CIITA: variants seen among roughly 807,000 people sequenced by gnomAD.
The protein encoded by CIITA is MHC class II transactivator.
CIITA carries 72 observed loss-of-function variants against 115.1 expected under a neutral mutation model. That is an observed-to-expected ratio of 0.63 (90% confidence interval 0.52 to 0.76). The LOEUF is 0.76. CIITA is among the 30% of genes least tolerant of loss of function. The pLI, the probability that CIITA is intolerant of heterozygous loss-of-function variation, is 0.00. For synonymous variants in CIITA, 763 were observed against 635.6 expected, an observed-to-expected ratio of 1.20 and a Z score of -3.02; for missense variants, 1,617 against 1,463.8, an observed-to-expected ratio of 1.10 and a Z score of -1.71.
In CIITA at chr16:10,932,162, G is replaced by A. The variant is rs1305607217; in HGVS notation, c.*8307G>A. On this transcript the variant is annotated 3_prime_UTR_variant, in exon 20 of 20. Transcript: ENST00000324288. Reference sequence around the variant, plus strand: ...GTTTCTATGTGTAGGGCGGGAGGATGTTCTGGGACACAGTTCAATTCTCAT... The same window carrying A: ...GTTTCTATGTGTAGGGCGGGAGGATATTCTGGGACACAGTTCAATTCTCAT... 2 of 152,242 alleles carry A rather than the reference G, an allele frequency of 1.3e-5. No individual in the cohort carries two copies. Among genetic ancestry groups the A allele is most frequent in the East Asian group, 1.9e-4 (1 of 5,200 alleles). The allele number at this position is 152,242 out of a possible 1,614,324, so 9.4% of individuals were successfully genotyped here.
chr16:10,915,506 C>G (rs1294803528), intron 13 of CIITA, 64 bp from the exon 14 acceptor site: 11 of 1,318,494 alleles, frequency 8.3e-6, no homozygotes, highest in East Asian at 2.3e-5. Flanking sequence ...TCTGCCCCAC[C>G]CTGGGGCTGA....
chr16:10,937,875 GGC>G (rs1442815201), downstream of CIITA: 2 of 152,138 alleles, frequency 1.3e-5, no homozygotes, highest in Non-Finnish European at 2.9e-5. This position sits in a 1 kb window ranked among gnomAD's most constrained non-coding sequence, Gnocchi z 4.2. Flanking sequence ...GGGACCACAG[GGC>G]AGCAAGAAAG....
intron 3 of CIITA, among the ~76,000 whole-genome samples, chr16:10,897,332 A>ACCACTAGT (rs2078044829): frequency 1.3e-5 from 2 of 151,952 alleles, no homozygotes; most frequent in African/African-American, 4.8e-5. Flanking sequence ...TTCTCATAAA[A>ACCACTAGT]CCACTAGTCT....
intron 1 of CIITA, among the ~76,000 whole-genome samples, chr16:10,884,144 CCTT>C (rs922417803): frequency 3.7e-5 from 5 of 135,990 alleles, no homozygotes; most frequent in African/African-American, 1.1e-4. Context: ...CTGAGCTTGT[CCTT>C]CTTTCTTTAA....
intron 3 of CIITA, among the ~76,000 whole-genome samples, chr16:10,896,753 C>T (rs1019175230): frequency 1.3e-5 from 2 of 152,242 alleles, no homozygotes; most frequent in African/African-American, 4.8e-5. Context: ...TGGTCTTCTT[C>T]CTGCCAACCC....
At position 10,903,835 on chromosome 16, in the gene CIITA, T is replaced by A; in HGVS notation, c.877T>A (p.Ser293Thr). Residue 293 changes from serine to threonine, a missense_variant, in exon 9 of 20, where the codon TCA becomes ACA. Coordinates refer to ENST00000324288, the MANE Select transcript of CIITA (RefSeq NM_000246.4). ...RPGSTSPFAP[S>T]ATDLPSMPEP... ...AGGCTCCACCAGCCCCTTCGCTCCA[T>A]CAGCCACTGACCTGCCCAGCATGCC... 6.2e-7 allele frequency: 1 copy of A among 1,614,162 alleles called. No individual in the cohort carries two copies. The highest frequency in any genetic ancestry group is 1.3e-5 in the African/African-American group (1 of 75,028).
intron 16 of CIITA, among the ~76,000 whole-genome samples, chr16:10,918,880 G>A (rs979710455): frequency 3.9e-5 from 6 of 152,172 alleles, no homozygotes; most frequent in African/African-American, 1.4e-4. Context: ...AACCACGTAC[G>A]TCAGCTTTTG....
At position 10,941,626 on chromosome 16, in the gene CIITA, C is replaced by T. The variant is rs549714186; in HGVS notation, n.752C>T. On this transcript the variant is annotated non_coding_transcript_exon_variant, in exon 2 of 2. Transcript: ENST00000573379. The surrounding 1 kb of genome is among the most constrained non-coding windows in gnomAD (Gnocchi z 6.4). ...GGGAACCATCCCCGTCCAGATGGTG[C>T]CCCCAACCAGCTGCGGCGGCATGAT... The T allele has an allele frequency of 1.8e-5, 28 of 1,518,552 alleles. No homozygotes were observed. In the South Asian group the frequency reaches 3.3e-4, roughly 18 times the overall value. 94.1% of individuals were successfully genotyped at this position (1,518,552 alleles called of 1,614,324 possible).
Position 10,926,994 on chromosome 16 carries a change from G to C in CIITA, c.*3139G>C, listed in dbSNP as rs941957680. 20 of 152,264 alleles carry C rather than the reference G, an allele frequency of 1.3e-4. No individual in the cohort carries two copies. The highest frequency in any genetic ancestry group is 4.8e-4 in the African/African-American group (20 of 41,458). 9.4% of individuals were successfully genotyped at this position (152,264 alleles called of 1,614,324 possible). A position where few individuals can be genotyped will look rare whatever the true frequency, so the allele number is the denominator to read the frequency against. ...GGGCAAGTGGCAGAGACTCTAGAAC[G>C]AGATTGCCTGGGCTCAACGCCCACC... On this transcript the variant is annotated 3_prime_UTR_variant, in exon 20 of 20. Coordinates refer to ENST00000324288, the MANE Select transcript of CIITA (RefSeq NM_000246.4).
intron 1 of CIITA, among the ~76,000 whole-genome samples, chr16:10,882,625 T>A (rs946798002): frequency 6.6e-6 from 1 of 152,020 alleles, no homozygotes; most frequent in Non-Finnish European, 1.5e-5. Flanking sequence ...AGGCCGGGCA[T>A]GGTGGCTCAC....
Position 10,933,695 on chromosome 16 carries a change from C to T in CIITA, c.*9840C>T, listed in dbSNP as rs1021545009. 2 of 152,358 alleles carry T rather than the reference C, an allele frequency of 1.3e-5. No individual in the cohort carries two copies. The highest frequency in any genetic ancestry group is 6.5e-5 in the Admixed American group (1 of 15,288). The allele number at this position is 152,358 out of a possible 1,614,324, so 9.4% of individuals were successfully genotyped here. A position where few individuals can be genotyped will look rare whatever the true frequency, so the allele number is the denominator to read the frequency against. On this transcript the variant is annotated 3_prime_UTR_variant, in exon 20 of 20. Transcript: ENST00000324288. ...GTAGAAACCAATACCGGCAGGGAAC[C>T]TTCTCAAGGCTAGGGGCCTTCTGAA...
At position 10,904,742 on chromosome 16, in the gene CIITA, A is replaced by G. The variant is rs2144645392; in HGVS notation, c.938-2A>G. ...ATCTGGCACCTGCTTCTCCATCTCCAGAGCACAAGACGTCCCCCACCCAAT... is the reference window on the plus strand; with the variant it reads ...ATCTGGCACCTGCTTCTCCATCTCCGGAGCACAAGACGTCCCCCACCCAAT... On this transcript the variant is annotated splice_acceptor_variant, in intron 9 of 19. Transcript: ENST00000324288. LOFTEE classifies it high-confidence loss of function. 1 of 1,614,110 alleles carries G rather than the reference A, an allele frequency of 6.2e-7. No individual in the cohort carries two copies. The highest frequency in any genetic ancestry group is 8.5e-7 in the Non-Finnish European group (1 of 1,179,994).
At chr16:10,878,993 G>T (rs1156852382) in intron 1 of CIITA, 2 of 221,256 alleles carry the variant, frequency 9.0e-6, no homozygotes, top group African/African-American at 4.5e-5. Context: ...CCCAGAGCTG[G>T]CGGGAGGGAG....
At position 10,932,200 on chromosome 16, in the gene CIITA, T is replaced by C. The variant is rs1265908816; in HGVS notation, c.*8345T>C. ...GTTCAATTCTCATTTGTCACACACT[T>C]TGGCTATTAGAGATCAACCCCTTCG... On this transcript the variant is annotated 3_prime_UTR_variant, in exon 20 of 20. Coordinates refer to ENST00000324288, the MANE Select transcript of CIITA (RefSeq NM_000246.4). 1 of 152,234 alleles carries C rather than the reference T, an allele frequency of 6.6e-6. No individual in the cohort carries two copies. Among genetic ancestry groups the C allele is most frequent in the Non-Finnish European group, 1.5e-5 (1 of 68,050 alleles). The allele number at this position is 152,234 out of a possible 1,614,324, so 9.4% of individuals were successfully genotyped here.
At chr16:10,914,585 A>T (rs943730642) in intron 13 of CIITA, among the ~76,000 whole-genome samples, 4 of 152,250 alleles carry the variant, frequency 2.6e-5, no homozygotes, top group Non-Finnish European at 5.9e-5. Flanking sequence ...TATGGAATGC[A>T]TTTAACCATA....
chr16:10,895,490 G>A (rs530759587), intron 2 of CIITA, 62 bp downstream of exon 2: 89 of 1,604,300 alleles, frequency 5.5e-5, no homozygotes, highest in Non-Finnish European at 6.5e-5. Flanking sequence ...CTGTAGAGAC[G>A]GCAATCAGGG....
At chr16:10,868,187 C>T (rs2143172975) in intron 1 of CIITA, among the ~76,000 whole-genome samples, 1 of 152,296 alleles carries the variant, frequency 6.6e-6, no homozygotes, top group South Asian at 2.1e-4. Context: ...ATCTAGAACC[C>T]TCTTACTTCT....
At chr16:10,908,178 T>A (rs1220450002) in intron 11 of CIITA, 29 bp downstream of exon 11, 2 of 1,551,384 alleles carry the variant, frequency 1.3e-6, no homozygotes, top group Admixed American at 2.0e-5. Context: ...GGAAGAGACA[T>A]CCTTGTGTTG....
chr16:10,893,320 C>G (rs1470047419), intron 1 of CIITA, among the ~76,000 whole-genome samples: 1 of 152,160 alleles, frequency 6.6e-6, no homozygotes, highest in African/African-American at 2.4e-5. Flanking sequence ...AAACATGGAC[C>G]TGAACCACGG....
Sources: allele counts gnomAD v4.1 joint callset (sites outside exome capture counted in the v4.1 genomes callset), GRCh38; gene constraint gnomAD v4.1.1; non-coding constraint Gnocchi (gnomAD v3.1); transcripts MANE v1.5; gene names NCBI Gene and HGNC (gene_info 2026-07-23, HGNC 2026-07-21).